Variants in DCUN1D1 observed in about 807,000 individuals in gnomAD.
The protein encoded by DCUN1D1 is DCN1-like protein 1.
Under a neutral mutation model 39.0 loss-of-function variants are expected in DCUN1D1, and 3 were observed. That is an observed-to-expected ratio of 0.08 (90% CI 0.04 to 0.20). The LOEUF is 0.20. Ranked by LOEUF, DCUN1D1 falls within the 10% of genes least tolerant of loss-of-function variation. The pLI, the probability that DCUN1D1 is intolerant of heterozygous loss-of-function variation, is 1.00. For missense variants in DCUN1D1, 158 were observed against 302.4 expected (o/e 0.52, Z 3.54); for synonymous variants, 82 against 96.3 (o/e 0.85, Z 0.87).
intron 4 of DCUN1D1, among the ~76,000 whole-genome samples, chr3:182,950,587 G>A (rs1577162744): frequency 6.6e-6 from 1 of 151,844 alleles, no homozygotes; most frequent in East Asian, 1.9e-4. Context: ...CACCTTTACT[G>A]GCTATACCCT....
At chr3:182,946,264 CA>C (rs536937426) in intron 6 of DCUN1D1, among the ~76,000 whole-genome samples, 9 of 150,338 alleles carry the variant, frequency 6.0e-5, no homozygotes, top group Admixed American at 2.0e-4. Context: ...AAGTAAGTTT[CA>C]AAAAAAAATA....
upstream of DCUN1D1, among the ~76,000 whole-genome samples, chr3:182,983,797 C>G (rs2108414880): frequency 6.6e-6 from 1 of 152,262 alleles, no homozygotes; most frequent in East Asian, 1.9e-4. Flanking sequence ...AGTCTATTCT[C>G]TTGATTACCA....
chr3:182,945,981 TAATGATTCCAGGACACTTTTA>T (rs1232501907), intron 6 of DCUN1D1, among the ~76,000 whole-genome samples: 3 of 152,150 alleles, frequency 2.0e-5, no homozygotes, highest in Admixed American at 1.3e-4. Context: ...TGATTAGCCT[TAATGATTCCAGGACACTTTTA>T]AATGATTCCA....
intron 6 of DCUN1D1, 55 bp downstream of exon 6, chr3:182,947,183 G>GT: frequency 1.1e-6 from 1 of 900,100 alleles, no homozygotes; most frequent in Non-Finnish European, 1.8e-6. Context: ...AAGTTCAAGG[G>GT]TATGGGATAA....
intron 3 of DCUN1D1, among the ~76,000 whole-genome samples, chr3:182,963,170 A>C (rs1282776114): frequency 6.6e-6 from 1 of 152,196 alleles, no homozygotes; most frequent in East Asian, 1.9e-4. Flanking sequence ...CTAATTCTAT[A>C]ATTTCTCTGT....
At chr3:182,955,397 G>A in intron 4 of DCUN1D1, 1 of 543,374 alleles carries the variant, frequency 1.8e-6, no homozygotes, top group South Asian at 1.4e-5. Flanking sequence ...GAATAGCAAT[G>A]TCTTCTTCTT....
intron 1 of DCUN1D1, among the ~76,000 whole-genome samples, chr3:182,971,034 G>T (rs897292578): frequency 6.6e-6 from 1 of 152,176 alleles, no homozygotes; most frequent in Non-Finnish European, 1.5e-5. Flanking sequence ...CCTTCTACCT[G>T]TACAGAGGCA....
At chr3:182,962,952 G>A (rs1216144497) in intron 3 of DCUN1D1, among the ~76,000 whole-genome samples, 2 of 152,050 alleles carry the variant, frequency 1.3e-5, no homozygotes, top group East Asian at 1.9e-4. Flanking sequence ...AGCTAATTTT[G>A]TATTTTTTGT....
intron 4 of DCUN1D1, among the ~76,000 whole-genome samples, chr3:182,959,938 T>C (rs1727298362): frequency 6.6e-6 from 1 of 152,178 alleles, no homozygotes; most frequent in Admixed American, 6.5e-5. Flanking sequence ...CTTCCCCTCC[T>C]GTTTGGTCTC....
At chr3:182,953,900 A>G (rs966086135) in intron 4 of DCUN1D1, among the ~76,000 whole-genome samples, 2 of 152,230 alleles carry the variant, frequency 1.3e-5, no homozygotes, top group Non-Finnish European at 2.9e-5. Flanking sequence ...TTCAAAGAGA[A>G]TCAACAAGAA....
At chr3:182,963,671 A>G (rs1008943478) in intron 3 of DCUN1D1, among the ~76,000 whole-genome samples, 1 of 152,230 alleles carries the variant, frequency 6.6e-6, no homozygotes, top group Admixed American at 6.5e-5. Flanking sequence ...AAATGATAAG[A>G]ATATAGCCAA....
chr3:182,946,208 T>TTTGTA (rs1726389961), intron 6 of DCUN1D1, among the ~76,000 whole-genome samples: 1 of 152,172 alleles, frequency 6.6e-6, no homozygotes, highest in African/African-American at 2.4e-5. Flanking sequence ...AGAAAAGTAT[T>TTTGTA]CAGTGATTAT....
intron 1 of DCUN1D1, among the ~76,000 whole-genome samples, chr3:182,967,566 G>A (rs1476253797): frequency 6.6e-6 from 1 of 152,126 alleles, no homozygotes; most frequent in Non-Finnish European, 1.5e-5. Context: ...ATATGTTACT[G>A]TTAGGATTAC....
chr3:182,954,945 T>TA (rs1208763406), intron 4 of DCUN1D1, among the ~76,000 whole-genome samples: 3 of 152,324 alleles, frequency 2.0e-5, no homozygotes, highest in Admixed American at 6.5e-5. Context: ...AAAATTTGTC[T>TA]ACTTTTCTAA....
Position 182,938,538 on chromosome 3 carries a change from T to C in DCUN1D1, c.*6556A>G, listed in dbSNP as rs1182080356. The C allele has an allele frequency of 6.6e-6, 1 of 152,168 alleles. No individual in the cohort carries two copies. Among genetic ancestry groups the C allele is most frequent in the Non-Finnish European group, 1.5e-5 (1 of 68,008 alleles). The allele number at this position is 152,168 out of a possible 1,614,324, so 9.4% of individuals were successfully genotyped here. A position where few individuals can be genotyped will look rare whatever the true frequency, so the allele number is the denominator to read the frequency against. On this transcript the variant is annotated 3_prime_UTR_variant, in exon 7 of 7. Coordinates refer to ENST00000292782, the MANE Select transcript of DCUN1D1 (RefSeq NM_020640.4). ...TTGCTATCTGGGATTTGCTTCAAAA[T>C]AAATAGGGGTTCAAAGATGAATGGC... is the stretch of plus-strand genomic sequence containing the variant.
chr3:182,947,559 T>C lies in DCUN1D1; in HGVS notation c.594A>G (p.Lys198=). The C allele has an allele frequency of 6.4e-7, 1 of 1,565,850 alleles. No individual in the cohort carries two copies. The highest frequency in any genetic ancestry group is 8.7e-7 in the Non-Finnish European group (1 of 1,145,044). ...GAAAATGTGAACTTACCAACAAAAATTTATTCCATAAGTCTAAGAATTTAA... is the reference window on the plus strand; with the variant it reads ...GAAAATGTGAACTTACCAACAAAAACTTATTCCATAAGTCTAAGAATTTAA... ...GRFKFLDLWN[K]FLLEHHKRSI... The change falls in exon 5 of 7, where the codon AAA becomes AAG. Residue 198 remains lysine, a synonymous_variant. Coordinates refer to ENST00000292782, the MANE Select transcript of DCUN1D1 (RefSeq NM_020640.4).
At chr3:182,980,427 G>A (rs1358980204) in intron 1 of DCUN1D1, 60 bp downstream of exon 1, 10 of 1,029,330 alleles carry the variant, frequency 9.7e-6, no homozygotes, top group Non-Finnish European at 1.0e-5. Flanking sequence ...GCCGGGGCGG[G>A]GGTGCGCGGC....
In DCUN1D1 at chr3:182,980,480, G is replaced by A. The variant is rs779198722; in HGVS notation, c.3+7C>T. On this transcript the variant is annotated splice_region_variant and intron_variant, in intron 1 of 6. Transcript: ENST00000292782. ...GGCAGGGCGGGCGGGCGGCCGCAGTGCCTCACCATGTTGGTGTCCTCCAGG... is the reference window on the plus strand; with the variant it reads ...GGCAGGGCGGGCGGGCGGCCGCAGTACCTCACCATGTTGGTGTCCTCCAGG... 1.6e-6 allele frequency: 2 copies of A among 1,217,016 alleles called. No individual in the cohort carries two copies. Among genetic ancestry groups the A allele is most frequent in the Non-Finnish European group, 2.1e-6 (2 of 959,748 alleles). The allele number at this position is 1,217,016 out of a possible 1,614,324, so 75.4% of individuals were successfully genotyped here.
At chr3:182,950,345 A>G (rs1577162342) in intron 4 of DCUN1D1, among the ~76,000 whole-genome samples, 1 of 152,018 alleles carries the variant, frequency 6.6e-6, no homozygotes, top group East Asian at 1.9e-4. Context: ...ACGGAGTTTC[A>G]CTACGTTGGC....
Sources: gnomAD v4.1 joint callset for allele counts (sites outside exome capture counted in the v4.1 genomes callset) on GRCh38, gnomAD v4.1.1 for gene constraint, MANE v1.5 for transcripts, NCBI Gene and HGNC (gene_info 2026-07-23, HGNC 2026-07-21) for gene names.